The following ZBTB7C variants were observed in gnomAD, a reference collection of about 807,000 sequenced individuals.
ZBTB7C encodes the protein zinc finger and BTB domain-containing protein 7C.
Under a neutral mutation model 25.7 loss-of-function variants are expected in ZBTB7C, and 8 were observed. The observed-to-expected ratio is 0.31, with a 90% confidence interval of 0.18 to 0.56. ZBTB7C has a LOEUF of 0.56. ZBTB7C is among the 20% of genes least tolerant of loss of function. The pLI is 0.91. For missense variants in ZBTB7C, 824 were observed against 855.2 expected, an observed-to-expected ratio of 0.96 and a Z score of 0.46; for synonymous variants, 394 against 369.0, an observed-to-expected ratio of 1.07 and a Z score of -0.78.
intron 3 of ZBTB7C, among the ~76,000 whole-genome samples, chr18:48,168,253 C>G (rs147870586): frequency 6.6e-6 from 1 of 152,344 alleles, no homozygotes; most frequent in East Asian, 1.9e-4. Flanking sequence ...AAAAGGCTTA[C>G]TTGCTGCAAG....
intron 2 of ZBTB7C, among the ~76,000 whole-genome samples, chr18:48,271,277 A>T (rs74376360): frequency 0.065 from 9,916 of 152,170 alleles, 618 homozygotes; most frequent in East Asian, 0.18. Context: ...CGTCACACAG[A>T]GGGTACAATT....
At chr18:48,069,645 C>T (rs879328806) in intron 3 of ZBTB7C, among the ~76,000 whole-genome samples, 1 of 151,852 alleles carries the variant, frequency 6.6e-6, no homozygotes, top group Admixed American at 6.6e-5. Context: ...GGAGCCTCTA[C>T]TATCAGGAGC....
At chr18:48,173,058 G>A (rs2041545255) in intron 3 of ZBTB7C, among the ~76,000 whole-genome samples, 1 of 152,212 alleles carries the variant, frequency 6.6e-6, no homozygotes, top group Non-Finnish European at 1.5e-5. Context: ...CTTTCCTCTA[G>A]TTCTTGAACA....
chr18:48,340,979 C>A (rs142503435), intron 1 of ZBTB7C, among the ~76,000 whole-genome samples: 24 of 152,276 alleles, frequency 1.6e-4, no homozygotes, highest in African/African-American at 5.5e-4. Context: ...GCCTGCGGTT[C>A]CTTTCTCATA....
intron 1 of ZBTB7C, among the ~76,000 whole-genome samples, chr18:48,385,257 C>CT (rs1291159441): frequency 2.6e-5 from 4 of 152,146 alleles, no homozygotes; most frequent in Non-Finnish European, 4.4e-5. Flanking sequence ...GTCTGTAGCT[C>CT]TTTTTTCAAT....
chr18:48,283,857 G>A (rs74706910), intron 2 of ZBTB7C, among the ~76,000 whole-genome samples: 1 of 152,122 alleles, frequency 6.6e-6, no homozygotes, highest in African/African-American at 2.4e-5. Context: ...ATATCAAGAA[G>A]AAAAGGGGGC....
At chr18:48,395,249 G>A (rs1315736829) in intron 1 of ZBTB7C, among the ~76,000 whole-genome samples, 1 of 148,148 alleles carries the variant, frequency 6.8e-6, no homozygotes, top group Non-Finnish European at 1.5e-5. Context: ...CTCGTTTAAG[G>A]AGAGAGAGAG....
At position 48,239,169 on chromosome 18, in the gene ZBTB7C, A is replaced by G. The variant is rs139886299; in HGVS notation, c.-78-53174T>C. On this transcript the variant is annotated intron_variant, in intron 2 of 4. Transcript: ENST00000590800. The stretch of plus-strand genomic sequence containing the variant: ...CCCCACAGTAGCTGCAGCAAGCCCC[A>G]CTCAAGGAGAGTCTGAGCTCAGAAA... Among the ~76,000 whole-genome samples the G allele has an allele frequency of 7.5e-3, 1,140 of 152,194 alleles. 7 individuals are homozygous for G. The highest frequency in any genetic ancestry group is 0.026 in the African/African-American group (1,081 of 41,524).
At chr18:48,235,524 C>T (rs1435966615) in intron 2 of ZBTB7C, among the ~76,000 whole-genome samples, 1 of 151,914 alleles carries the variant, frequency 6.6e-6, no homozygotes, top group Non-Finnish European at 1.5e-5. Context: ...GTAAAATTAA[C>T]ATTTGTTTAT....
At chr18:48,043,144 G>GTAGAA (rs1270432958) in intron 3 of ZBTB7C, among the ~76,000 whole-genome samples, 29 of 152,246 alleles carry the variant, frequency 1.9e-4, no homozygotes, top group African/African-American at 7.0e-4. Context: ...TGGTAGGAAT[G>GTAGAA]TAGAATGGTA....
chr18:48,361,062 G>A (rs1038554680), intron 1 of ZBTB7C, among the ~76,000 whole-genome samples: 6 of 152,078 alleles, frequency 3.9e-5, no homozygotes, highest in Non-Finnish European at 1.5e-5. Flanking sequence ...AGGAAGGCTG[G>A]TTAGTGGTAC....
At chr18:48,400,826 C>T (rs535611628) in intron 1 of ZBTB7C, among the ~76,000 whole-genome samples, 1 of 152,264 alleles carries the variant, frequency 6.6e-6, no homozygotes, top group East Asian at 1.9e-4. Flanking sequence ...ATGACTCTTG[C>T]TATATTTCTA....
chr18:48,192,336 G>C (rs779414743), intron 2 of ZBTB7C, among the ~76,000 whole-genome samples: 7 of 152,188 alleles, frequency 4.6e-5, no homozygotes, highest in Non-Finnish European at 7.3e-5. Context: ...AGAGTACAGA[G>C]GATTTTTAAG....
intron 2 of ZBTB7C, among the ~76,000 whole-genome samples, chr18:48,234,505 T>C (rs111796848): frequency 0.019 from 2,888 of 152,310 alleles, 39 homozygotes; most frequent in Middle Eastern, 0.078. Context: ...TAAGTACATG[T>C]GTACATGCGT....
At chr18:48,381,440 C>T (rs2047632118) in intron 1 of ZBTB7C, among the ~76,000 whole-genome samples, 1 of 152,146 alleles carries the variant, frequency 6.6e-6, no homozygotes, top group South Asian at 2.1e-4. Context: ...GTAATAAGTA[C>T]ATGGAATCAT....
At chr18:48,259,103 C>A (rs2144499957) in intron 2 of ZBTB7C, among the ~76,000 whole-genome samples, 1 of 152,256 alleles carries the variant, frequency 6.6e-6, no homozygotes, top group South Asian at 2.1e-4. Context: ...GCTCATGCCA[C>A]CACACCCGGC....
chr18:48,399,770 G>T (rs1227134966), intron 1 of ZBTB7C, among the ~76,000 whole-genome samples: 1 of 152,204 alleles, frequency 6.6e-6, no homozygotes, highest in African/African-American at 2.4e-5. Context: ...CCCTCCAGAA[G>T]TTGCTGGTGG....
chr18:48,265,828 G>A (rs775798588), intron 2 of ZBTB7C, among the ~76,000 whole-genome samples: 4 of 152,172 alleles, frequency 2.6e-5, no homozygotes, highest in African/African-American at 4.8e-5. Context: ...CTAAAGACGC[G>A]TGTCAACTTG....
At chr18:48,271,932 C>G (rs530602068) in intron 2 of ZBTB7C, among the ~76,000 whole-genome samples, 1 of 152,292 alleles carries the variant, frequency 6.6e-6, no homozygotes, top group East Asian at 1.9e-4. Context: ...ATCACCTAAA[C>G]TATTCATCAC....
Sources: allele counts gnomAD v4.1 joint callset (sites outside exome capture counted in the v4.1 genomes callset), GRCh38; gene constraint gnomAD v4.1.1; transcripts MANE v1.5; gene names NCBI Gene and HGNC (gene_info 2026-07-23, HGNC 2026-07-21).